Variants in FASLG observed in about 807,000 individuals in gnomAD.
The protein encoded by FASLG is Fas ligand.
FASLG carries 9 observed loss-of-function variants against 24.6 expected under a neutral mutation model. That is an observed-to-expected ratio of 0.37 (90% CI 0.22 to 0.64). FASLG has a LOEUF of 0.64. Among genes scored for constraint, FASLG ranks in the 30% least tolerant of loss-of-function variants. The probability of loss-of-function intolerance (pLI) is 0.64; values close to 1 mark genes in which losing one functional copy is unlikely to be tolerated. For missense variants in FASLG, 306 were observed against 345.3 expected (o/e 0.89, Z 0.90); for synonymous variants, 130 against 135.5 (o/e 0.96, Z 0.28).
chr1:172,665,486 C>T, intron 3 of FASLG, 136 bp from the exon 4 acceptor site: 1 of 970,734 alleles, frequency 1.0e-6, no homozygotes, highest in Non-Finnish European at 1.6e-6. Flanking sequence ...GTTCTGACCC[C>T]TCAGCCAGTT....
intron 1 of FASLG, 123 bp downstream of exon 1, chr1:172,659,672 CT>C: frequency 3.6e-6 from 5 of 1,380,036 alleles, no homozygotes; most frequent in Non-Finnish European, 4.8e-6. Flanking sequence ...ATGGGTTGTT[CT>C]AGTTATTCTA....
At chr1:172,663,408 G>T (rs1361620950) in intron 2 of FASLG, among the ~76,000 whole-genome samples, 1 of 152,102 alleles carries the variant, frequency 6.6e-6, no homozygotes. Flanking sequence ...TCAAAAGAGG[G>T]GCAGATCATA....
chr1:172,662,472 C>G (rs1659163838), intron 2 of FASLG, among the ~76,000 whole-genome samples: 1 of 152,152 alleles, frequency 6.6e-6, no homozygotes, highest in African/African-American at 2.4e-5. Flanking sequence ...GAGCTTTTAG[C>G]AGGGGGAAGA....
intron 3 of FASLG, 51 bp downstream of exon 3, chr1:172,664,441 G>A (rs751098272): frequency 1.9e-6 from 3 of 1,578,406 alleles, no homozygotes; most frequent in East Asian, 2.2e-5. Flanking sequence ...TTGGCAAAAG[G>A]CAAAATGGCT....
intron 3 of FASLG, among the ~76,000 whole-genome samples, chr1:172,665,235 T>G (rs966605469): frequency 6.6e-6 from 1 of 152,230 alleles, no homozygotes; most frequent in Non-Finnish European, 1.5e-5. Context: ...AGATGGTCCC[T>G]AAGATCCTTC....
intron 2 of FASLG, among the ~76,000 whole-genome samples, chr1:172,663,698 A>T (rs928327478): frequency 1.3e-5 from 2 of 151,992 alleles, no homozygotes; most frequent in African/African-American, 2.4e-5. Context: ...TTCGGGGAGG[A>T]GCAATTAAAG....
chr1:172,659,665 G>A lies in FASLG; in HGVS notation c.348+116G>A, dbSNP rs1428962189. The A allele has an allele frequency of 2.2e-5, 31 of 1,418,462 alleles. No individual in the cohort carries two copies. The East Asian group carries it at 6.9e-4, about 32-fold the overall frequency. 87.9% of individuals were successfully genotyped at this position (1,418,462 alleles called of 1,614,324 possible). The stretch of plus-strand genomic sequence containing the variant: ...CCTTTTTTTTTTTTTCTTAGAAATG[G>A]GTTGTTCTAGTTATTCTATTCTATA... On this transcript the variant is annotated intron_variant, in intron 1 of 3. Coordinates refer to ENST00000367721, the MANE Select transcript of FASLG (RefSeq NM_000639.3).
In FASLG at chr1:172,659,105, C is replaced by T. The variant is rs1185626743; in HGVS notation, c.-97C>T. ...GAGATCCAGCTTGCCTCCTCTTGAGCAGTCAGCAACAGGGTCCCGTCCTTG... is the reference window on the plus strand; with the variant it reads ...GAGATCCAGCTTGCCTCCTCTTGAGTAGTCAGCAACAGGGTCCCGTCCTTG... On this transcript the variant is annotated 5_prime_UTR_variant, in exon 1 of 4. Coordinates refer to ENST00000367721, the MANE Select transcript of FASLG (RefSeq NM_000639.3). The T allele has an allele frequency of 8.9e-6, 14 of 1,580,138 alleles. No homozygotes were observed. Among genetic ancestry groups the T allele is most frequent in the Admixed American group, 5.5e-5 (3 of 54,994 alleles).
chr1:172,665,105 T>C (rs964483589), intron 3 of FASLG, among the ~76,000 whole-genome samples: 1 of 152,202 alleles, frequency 6.6e-6, no homozygotes, highest in African/African-American at 2.4e-5. Context: ...GCACTTATGA[T>C]AATTTCAGTA....
intron 2 of FASLG, among the ~76,000 whole-genome samples, chr1:172,662,359 C>A (rs556306879): frequency 6.6e-6 from 1 of 151,916 alleles, no homozygotes; most frequent in African/African-American, 2.4e-5. Flanking sequence ...CATTTTTTTC[C>A]GGTTAACTAA....
rs35774809 is a variant in FASLG, at chr1:172,664,354, G to GA, written c.422dup (p.Glu142GlyfsTer36). On this transcript the variant is annotated frameshift_variant, in exon 3 of 4. Coordinates refer to ENST00000367721, the MANE Select transcript of FASLG (RefSeq NM_000639.3). LOFTEE classifies it high-confidence loss of function. The stretch of plus-strand genomic sequence containing the variant: ...TACAGGCCACCCCAGTCCACCCCCT[G>GA]AAAAAAAGGAGCTGAGGAAAGTGGC... 2 of 1,613,832 alleles carry GA rather than the reference G, an allele frequency of 1.2e-6. No homozygotes were observed. Among genetic ancestry groups the GA allele is most frequent in the Non-Finnish European group, 1.7e-6 (2 of 1,179,864 alleles).
rs373329523 is a variant in FASLG at position 172,659,318 on chromosome 1, G to A, written c.117G>A (p.Arg39=). The stretch of plus-strand genomic sequence containing the variant: ...CCTGTCCAACCTCTGTGCCCAGAAG[G>A]CCTGGTCAAAGGAGGCCACCACCAC... ...VLPCPTSVPR[R]PGQRRPPPPP... Residue 39 remains arginine (R), a synonymous_variant, in exon 1 of 4, where the codon AGG becomes AGA. Coordinates refer to ENST00000367721, the MANE Select transcript of FASLG (RefSeq NM_000639.3). 1 of 1,613,836 alleles carries A rather than the reference G, an allele frequency of 6.2e-7. No homozygotes were observed. Among genetic ancestry groups the A allele is most frequent in the African/African-American group, 1.3e-5 (1 of 74,874 alleles).
At chr1:172,663,148 A>G (rs1659178870) in intron 2 of FASLG, among the ~76,000 whole-genome samples, 1 of 152,198 alleles carries the variant, frequency 6.6e-6, no homozygotes, top group African/African-American at 2.4e-5. Context: ...GCAGCTGTCT[A>G]TCTTGTCTGA....
At chr1:172,659,606 G>A (rs1659095128) in intron 1 of FASLG, 57 bp downstream of exon 1, 5 of 1,588,740 alleles carry the variant, frequency 3.1e-6, no homozygotes, top group Non-Finnish European at 3.4e-6. Context: ...GGGGATGGAG[G>A]GCCCACTGCC....
In FASLG at chr1:172,665,998, C is replaced by T. The variant is rs144105303; in HGVS notation, c.828C>T (p.Phe276=). The stretch of plus-strand genomic sequence containing the variant: ...ATTTTGAGGAATCTCAGACGTTTTT[C>T]GGCTTATATAAGCTCTAAGAGAAGC... ...LVNFEESQTF[F]GLYKL is the part of the protein sequence containing the mutation. The change falls in exon 4 of 4, where the codon TTC becomes TTT. Residue 276 remains phenylalanine (F), a synonymous_variant. Coordinates refer to ENST00000367721, the MANE Select transcript of FASLG (RefSeq NM_000639.3). 247 of 1,614,102 alleles carry T rather than the reference C, an allele frequency of 1.5e-4. No homozygotes were observed. Among genetic ancestry groups the T allele is most frequent in the Admixed American group, 8.3e-4 (50 of 60,000 alleles).
Position 172,665,826 on chromosome 1 carries a change from C to T in FASLG, c.656C>T (p.Pro219Leu). 1 of 1,613,970 alleles carries T rather than the reference C, an allele frequency of 6.2e-7. No homozygotes were observed. The highest frequency in any genetic ancestry group is 1.1e-5 in the South Asian group (1 of 91,060). The change falls in exon 4 of 4, where the codon CCC becomes CTC. Residue 219 changes from proline to leucine, a missense_variant. Coordinates refer to ENST00000367721, the MANE Select transcript of FASLG (RefSeq NM_000639.3). ...GTCTACATGAGGAACTCTAAGTATC[C>T]CCAGGATCTGGTGATGATGGAGGGG... ...HKVYMRNSKY[P>L]QDLVMMEGKM...
Position 172,666,544 on chromosome 1 carries a change from T to C in FASLG, c.*528T>C, listed in dbSNP as rs1659272525. On this transcript the variant is annotated 3_prime_UTR_variant, in exon 4 of 4. Transcript: ENST00000367721. Reference sequence around the variant, plus strand: ...CTGAGCCATCGGTGAAACTAACAGATAAGCAAGAGAGATGTTTTGGGGACT... The same window carrying C: ...CTGAGCCATCGGTGAAACTAACAGACAAGCAAGAGAGATGTTTTGGGGACT... 6.2e-6 allele frequency: 1 copy of C among 160,674 alleles called. No individual in the cohort carries two copies. The highest frequency in any genetic ancestry group is 1.4e-5 in the Non-Finnish European group (1 of 72,110). The allele number at this position is 160,674 out of a possible 1,614,324, so 10.0% of individuals were successfully genotyped here.
intron 2 of FASLG, among the ~76,000 whole-genome samples, chr1:172,663,986 G>A (rs960444323): frequency 1.3e-5 from 2 of 152,110 alleles, no homozygotes; most frequent in African/African-American, 2.4e-5. Context: ...TTTTGCAATC[G>A]ATAAGGTGGG....
At chr1:172,664,212 G>T in intron 2 of FASLG, 122 bp from the exon 3 acceptor site, 1 of 1,001,734 alleles carries the variant, frequency 1.0e-6, no homozygotes, top group Admixed American at 2.1e-5. Context: ...ATTAGTATAT[G>T]TTAGACTGTT....
Sources: allele counts gnomAD v4.1 joint callset (sites outside exome capture counted in the v4.1 genomes callset), GRCh38; gene constraint gnomAD v4.1.1; transcripts MANE v1.5; gene names NCBI Gene and HGNC (gene_info 2026-07-23, HGNC 2026-07-21).